The following ARMH3 variants were observed in gnomAD, a reference collection of about 807,000 sequenced individuals.
ARMH3 encodes armadillo-like helical domain-containing protein 3.
A neutral mutation model predicts 99.1 loss-of-function variants in ARMH3; 60 were observed. The ratio of observed to expected loss-of-function variants is 0.61; its 90% confidence interval spans 0.49 to 0.75. The LOEUF (loss-of-function observed/expected upper bound fraction) is 0.75. Among genes scored for constraint, ARMH3 ranks in the 30% least tolerant of loss-of-function variants. The pLI is 0.00. For synonymous variants in ARMH3, 285 were observed against 292.8 expected (o/e 0.97, Z 0.27); for missense variants, 679 against 843.1 (o/e 0.81, Z 2.41).
chr10:101,916,217 T>C (rs1211693070), intron 23 of ARMH3, among the ~76,000 whole-genome samples: 3 of 152,146 alleles, frequency 2.0e-5, no homozygotes, highest in East Asian at 1.9e-4. Flanking sequence ...ATTCAATCCA[T>C]AAAGTGGGGA....
Position 102,007,750 on chromosome 10 carries a change from G to A in ARMH3, c.955-1117C>T, listed in dbSNP as rs537945943. On this transcript the variant is annotated intron_variant, in intron 13 of 25. Coordinates refer to ENST00000370033, the MANE Select transcript of ARMH3 (RefSeq NM_024541.3). The stretch of plus-strand genomic sequence containing the variant: ...CGGGAGGCTGAGGCAGGAGAATGGC[G>A]TGAACCCGGGAGGCAGAGCTTGCAG... 4.6e-3 allele frequency among the ~76,000 whole-genome samples: 681 copies of A among 147,426 alleles called. 7 individuals are homozygous for A. Among genetic ancestry groups the A allele is most frequent in the African/African-American group, 0.015 (603 of 40,024 alleles).
chr10:102,023,924 G>A (rs1184408060), intron 6 of ARMH3, among the ~76,000 whole-genome samples, 175 bp from the exon 7 acceptor site: 1 of 151,864 alleles, frequency 6.6e-6, no homozygotes, highest in African/African-American at 2.4e-5. Flanking sequence ...ACAACATAAG[G>A]GTAGGAAATC....
chr10:101,959,822 GAAAATGCAGGT>G (rs1258524098), intron 20 of ARMH3, among the ~76,000 whole-genome samples: 1 of 152,178 alleles, frequency 6.6e-6, no homozygotes, highest in East Asian at 1.9e-4. Context: ...TTCTGCCCCT[GAAAATGCAGGT>G]CAGATATTCT....
intron 23 of ARMH3, among the ~76,000 whole-genome samples, chr10:101,906,749 A>C (rs1030469014): frequency 1.3e-5 from 2 of 152,174 alleles, no homozygotes; most frequent in African/African-American, 4.8e-5. Flanking sequence ...GTCAAGTCTG[A>C]AGTACTTGTG....
At chr10:102,009,777 G>C (rs1032473750) in intron 12 of ARMH3, among the ~76,000 whole-genome samples, 200 bp downstream of exon 12, 2 of 152,208 alleles carry the variant, frequency 1.3e-5, no homozygotes, top group South Asian at 2.1e-4. Flanking sequence ...CAGTTGTTCA[G>C]CTTATTGTCG....
intron 23 of ARMH3, among the ~76,000 whole-genome samples, chr10:101,912,629 T>A (rs934493536): frequency 2.6e-5 from 4 of 152,222 alleles, no homozygotes. Context: ...ACAGTTTACA[T>A]CTTCCTTTAC....
At chr10:102,027,056 A>G (rs545829049) in intron 5 of ARMH3, among the ~76,000 whole-genome samples, 2 of 152,326 alleles carry the variant, frequency 1.3e-5, no homozygotes, top group South Asian at 4.1e-4. Context: ...AGGCAGGCAG[A>G]TCACCTGAGG....
intron 19 of ARMH3, among the ~76,000 whole-genome samples, chr10:101,988,489 T>C (rs1319462090): frequency 6.6e-6 from 1 of 152,162 alleles, no homozygotes; most frequent in Non-Finnish European, 1.5e-5. Flanking sequence ...GGTCTTTGAA[T>C]TGAAATAAAG....
chr10:101,992,164 T>A, intron 17 of ARMH3, 126 bp from the exon 18 acceptor site: 1 of 821,472 alleles, frequency 1.2e-6, no homozygotes, highest in East Asian at 2.5e-5. Context: ...CTTTCTCTTT[T>A]TCACATGGTG....
At chr10:102,052,752 T>C (rs1590246691) in intron 1 of ARMH3, among the ~76,000 whole-genome samples, 1 of 151,102 alleles carries the variant, frequency 6.6e-6, no homozygotes, top group Non-Finnish European at 1.5e-5. Flanking sequence ...AAAATAAACA[T>C]TTTTTTTTCC....
intron 13 of ARMH3, among the ~76,000 whole-genome samples, chr10:102,007,982 C>A (rs2066543923): frequency 6.6e-6 from 1 of 152,154 alleles, no homozygotes; most frequent in Non-Finnish European, 1.5e-5. Context: ...TCTTCTGTCC[C>A]TAACCTTTCT....
At chr10:102,004,153 G>A (rs1251185651) in intron 14 of ARMH3, among the ~76,000 whole-genome samples, 2 of 152,194 alleles carry the variant, frequency 1.3e-5, no homozygotes, top group Non-Finnish European at 2.9e-5. Flanking sequence ...TGTCAAGTCT[G>A]AGCTGAGAAC....
At chr10:102,049,366 AC>A (rs1240731481) in intron 1 of ARMH3, among the ~76,000 whole-genome samples, 8 of 151,718 alleles carry the variant, frequency 5.3e-5, no homozygotes, top group African/African-American at 1.9e-4. Flanking sequence ...ACATGCAGAA[AC>A]CCCGTCTCTA....
chr10:101,929,951 A>C (rs1161108114), intron 23 of ARMH3, among the ~76,000 whole-genome samples: 1 of 152,126 alleles, frequency 6.6e-6, no homozygotes, highest in African/African-American at 2.4e-5. Context: ...AGCATCCCTA[A>C]TCCAGAAATC....
At chr10:101,925,227 T>G (rs1311036358) in intron 23 of ARMH3, among the ~76,000 whole-genome samples, 1 of 152,202 alleles carries the variant, frequency 6.6e-6, no homozygotes, top group Non-Finnish European at 1.5e-5. Flanking sequence ...AAATAAAATA[T>G]GTCCATATCA....
chr10:101,976,168 CAAA>C (rs780547260), intron 19 of ARMH3, among the ~76,000 whole-genome samples: 2 of 23,190 alleles, frequency 8.6e-5, no homozygotes, highest in African/African-American at 1.7e-4. Flanking sequence ...GACTCTGTCT[CAAA>C]AAAAAAAAAA....
intron 24 of ARMH3, among the ~76,000 whole-genome samples, chr10:101,873,078 T>C (rs1418020111): frequency 6.6e-6 from 1 of 151,812 alleles, no homozygotes; most frequent in Non-Finnish European, 1.5e-5. Context: ...TGTTCGTTGA[T>C]TGGAATGAGA....
Position 101,990,554 on chromosome 10 carries a change from T to C in ARMH3, c.1403A>G (p.Tyr468Cys). Residue 468 changes from tyrosine to cysteine, a missense_variant, in exon 19 of 26, where the codon TAT (tyrosine) becomes TGT (cysteine). Physicochemically the swap from Tyr to Cys is radical, Grantham distance 194. Coordinates refer to ENST00000370033, the MANE Select transcript of ARMH3 (RefSeq NM_024541.3). Reference protein sequence around the residue: ...HMMKEFPMDLYIRCIQVVHKL... With the variant: ...HMMKEFPMDLCIRCIQVVHKL... ...ATGTGTACATATTTGTACTTACATA[T>C]AGAGATCCATAGGAAACTCCTTCAT... 1 of 1,577,376 alleles carries C rather than the reference T, an allele frequency of 6.3e-7. No homozygotes were observed.
At chr10:101,978,529 G>A (rs1344929842) in intron 19 of ARMH3, among the ~76,000 whole-genome samples, 1 of 152,194 alleles carries the variant, frequency 6.6e-6, no homozygotes, top group African/African-American at 2.4e-5. Flanking sequence ...TAGGTGCAGT[G>A]GCTCACATCT....
Sources: allele counts gnomAD v4.1 joint callset (sites outside exome capture counted in the v4.1 genomes callset), GRCh38; gene constraint gnomAD v4.1.1; transcripts MANE v1.5; gene names NCBI Gene and HGNC (gene_info 2026-07-23, HGNC 2026-07-21).